The following STOX1 variants were observed in gnomAD, a reference collection of about 807,000 sequenced individuals.
STOX1 encodes the protein storkhead-box protein 1.
STOX1 carries 57 observed loss-of-function variants against 74.8 expected under a neutral mutation model. The ratio of observed to expected loss-of-function variants is 0.76; its 90% CI spans 0.62 to 0.95. The LOEUF (loss-of-function observed/expected upper bound fraction) is 0.95. Among genes scored for constraint, STOX1 ranks in the 40% least tolerant of loss-of-function variants. STOX1 has a pLI of 0.00. For synonymous variants in STOX1, 375 were observed against 401.3 expected (o/e 0.93, Z 0.78); for missense variants, 1,010 against 1,117.0 (o/e 0.90, Z 1.37).
At chr10:68,833,179 A>T (rs958283392) in intron 1 of STOX1, among the ~76,000 whole-genome samples, 1 of 141,636 alleles carries the variant, frequency 7.1e-6, no homozygotes, top group African/African-American at 2.7e-5. Flanking sequence ...TCTGCTTCCC[A>T]GGTTCAAGGG....
In STOX1 at chr10:68,888,802, A is replaced by ATTTTTTTTTT. The variant is rs35174437; in HGVS notation, c.2822+2207_2822+2216dup. 4.4e-4 allele frequency among the ~76,000 whole-genome samples: 14 copies of ATTTTTTTTTT among 32,060 alleles called. 4 individuals are homozygous for ATTTTTTTTTT. Among genetic ancestry groups the ATTTTTTTTTT allele is most frequent in the African/African-American group, 7.9e-4 (6 of 7,598 alleles). The allele number at this position is 32,060 out of a possible 152,430, so 21.0% of individuals were successfully genotyped here. A position where few individuals can be genotyped will look rare whatever the true frequency, so the allele number is the denominator to read the frequency against. On this transcript the variant is annotated intron_variant, in intron 3 of 3. Transcript: ENST00000298596. ...AGGCATATGTCACTATGCCCAGCTA[A>ATTTTTTTTTT]TTTTTTTTTTTTTTTTTTTTTTTTT...
chr10:68,889,917 G>A (rs1258991022), intron 3 of STOX1, among the ~76,000 whole-genome samples: 1 of 149,306 alleles, frequency 6.7e-6, no homozygotes, highest in African/African-American at 2.5e-5. Flanking sequence ...CTACATGCGT[G>A]AGCCACCATG....
intron 1 of STOX1, among the ~76,000 whole-genome samples, chr10:68,873,736 C>T (rs1165289823): frequency 4.0e-5 from 6 of 148,642 alleles, no homozygotes. Context: ...CTGCAAACTC[C>T]ACCTCCCGGG....
At chr10:68,875,157 G>A (rs1399291441) in intron 1 of STOX1, among the ~76,000 whole-genome samples, 2 of 152,204 alleles carry the variant, frequency 1.3e-5, no homozygotes, top group South Asian at 2.1e-4. Context: ...CTCTCAGGGC[G>A]CAGGTCTTGT....
intron 1 of STOX1, among the ~76,000 whole-genome samples, chr10:68,851,714 A>C (rs1017099211): frequency 6.6e-5 from 10 of 152,010 alleles, no homozygotes; most frequent in African/African-American, 2.4e-4. Context: ...GGTGGTGTGC[A>C]CCTGTAATCC....
intron 3 of STOX1, among the ~76,000 whole-genome samples, chr10:68,890,085 C>T (rs550481324): frequency 1.3e-5 from 2 of 152,140 alleles, no homozygotes; most frequent in East Asian, 1.9e-4. Context: ...GCTGGGATTA[C>T]AGGCGTGAGC....
At chr10:68,873,257 ATTTT>A (rs5785875) in intron 1 of STOX1, among the ~76,000 whole-genome samples, 5 of 105,272 alleles carry the variant, frequency 4.7e-5, no homozygotes, top group Admixed American at 2.1e-4. Flanking sequence ...AAACAAGAGC[ATTTT>A]TTTTTTTTTT....
chr10:68,832,026 A>G (rs1430562508), intron 1 of STOX1, among the ~76,000 whole-genome samples: 2 of 151,664 alleles, frequency 1.3e-5, no homozygotes, highest in Non-Finnish European at 2.9e-5. Context: ...CGGCCTCCCA[A>G]AGTGCTGTGA....
intron 1 of STOX1, among the ~76,000 whole-genome samples, chr10:68,874,107 A>T (rs1162041419): frequency 6.8e-6 from 1 of 146,624 alleles, no homozygotes; most frequent in African/African-American, 2.5e-5. Flanking sequence ...AAAAGTAAGT[A>T]ACTTATTAAA....
chr10:68,860,787 G>T (rs1015185367), intron 1 of STOX1, among the ~76,000 whole-genome samples: 11 of 152,018 alleles, frequency 7.2e-5, no homozygotes, highest in African/African-American at 2.7e-4. Flanking sequence ...GGGCCACTGA[G>T]GTATGCCTCT....
At chr10:68,878,723 G>A (rs1339545339) in intron 1 of STOX1, among the ~76,000 whole-genome samples, 1 of 152,150 alleles carries the variant, frequency 6.6e-6, no homozygotes, top group Non-Finnish European at 1.5e-5. Flanking sequence ...TAAGAATACA[G>A]TACTGGCCAC....
rs374728692 is a variant in STOX1 at position 68,863,070 on chromosome 10, A to G, written c.311-18888A>G. Among the ~76,000 whole-genome samples, 9 of 152,208 alleles carry G rather than the reference A, an allele frequency of 5.9e-5. No homozygotes were observed. In the East Asian group the frequency reaches 1.5e-3, roughly 26 times the overall value. ...TGTCCTTTCCCAAACAGATAGGCCG[A>G]TGTTCAAATCCTAAAGAAATATTCA... is the stretch of plus-strand genomic sequence containing the variant. On this transcript the variant is annotated intron_variant, in intron 1 of 3. Coordinates refer to ENST00000298596, the MANE Select transcript of STOX1 (RefSeq NM_152709.5).
In STOX1 at chr10:68,884,850, A is replaced by G. The variant is rs1251094522; in HGVS notation, c.1054A>G (p.Asn352Asp). 3 of 1,614,044 alleles carry G rather than the reference A, an allele frequency of 1.9e-6. No homozygotes were observed. The highest frequency in any genetic ancestry group is 1.3e-5 in the African/African-American group (1 of 74,940). Residue 352 changes from asparagine to aspartate, a missense_variant, in exon 3 of 4, where the codon AAT (asparagine) becomes GAT (aspartate). By Grantham distance (23) the Asn-to-Asp change is conservative. Coordinates refer to ENST00000298596, the MANE Select transcript of STOX1 (RefSeq NM_152709.5). ...WPVRDEDDLD[N>D]IPRDVEHEII... ...CGTCCGAGATGAAGATGACTTGGACAATATCCCTCGAGATGTTGAACATGA... is the reference window on the plus strand; with the variant it reads ...CGTCCGAGATGAAGATGACTTGGACGATATCCCTCGAGATGTTGAACATGA...
At chr10:68,838,518 G>A (rs1217269307) in intron 1 of STOX1, among the ~76,000 whole-genome samples, 1 of 152,110 alleles carries the variant, frequency 6.6e-6, no homozygotes, top group Non-Finnish European at 1.5e-5. Flanking sequence ...CATGTCATCT[G>A]TAAACAGAGA....
At chr10:68,844,107 G>A (rs1202100726) in intron 1 of STOX1, among the ~76,000 whole-genome samples, 2 of 151,684 alleles carry the variant, frequency 1.3e-5, no homozygotes, top group African/African-American at 4.8e-5. Context: ...ATGAGCCCGG[G>A]AGGCGGAGCT....
chr10:68,849,285 T>G (rs1029422334), intron 1 of STOX1, among the ~76,000 whole-genome samples: 1 of 152,154 alleles, frequency 6.6e-6, no homozygotes, highest in Admixed American at 6.5e-5. Context: ...CCTTCCAGTC[T>G]CTGAACTTTA....
rs57004679 is a variant in STOX1, at chr10:68,884,719, G to T, written c.923G>T (p.Gly308Val). The stretch of plus-strand genomic sequence containing the variant: ...CCATACACAAGAGATAAAGAAAAAG[G>T]CAAGAAGTTTGGTTTTAGTCTCTTA... ...PLPYTRDKEK[G>V]KKFGFSLLWR... Residue 308 changes from glycine to valine, a missense_variant, in exon 3 of 4, where the codon GGC becomes GTC. By Grantham distance (109) the Gly-to-Val change is moderately radical. Transcript: ENST00000298596. 2 of 1,614,034 alleles carry T rather than the reference G, an allele frequency of 1.2e-6. No homozygotes were observed. The highest frequency in any genetic ancestry group is 1.1e-5 in the South Asian group (1 of 91,084).
chr10:68,880,368 G>C (rs1178409637), intron 1 of STOX1, among the ~76,000 whole-genome samples: 5 of 151,972 alleles, frequency 3.3e-5, no homozygotes, highest in Non-Finnish European at 7.4e-5. Flanking sequence ...TCTTTGTAGA[G>C]ATTGGATCTC....
chr10:68,888,071 A>ACGCG (rs1491050237), intron 3 of STOX1, among the ~76,000 whole-genome samples: 1 of 149,862 alleles, frequency 6.7e-6, no homozygotes, highest in Non-Finnish European at 1.5e-5. Flanking sequence ...ACACACACAC[A>ACGCG]CGCGCGCACA....
Sources: allele counts gnomAD v4.1 joint callset (sites outside exome capture counted in the v4.1 genomes callset), GRCh38; gene constraint gnomAD v4.1.1; transcripts MANE v1.5; gene names NCBI Gene and HGNC (gene_info 2026-07-23, HGNC 2026-07-21).